Variants in CTNND2 observed in about 807,000 individuals in gnomAD.
CTNND2 encodes the protein catenin delta 2.
CTNND2 carries 22 observed loss-of-function variants against 144.4 expected under a neutral mutation model. The observed-to-expected ratio is 0.15, with a 90% CI of 0.11 to 0.22. The LOEUF (loss-of-function observed/expected upper bound fraction) is 0.22. CTNND2 is among the 10% of genes least tolerant of loss of function. CTNND2 has a pLI of 1.00. For missense variants in CTNND2, 1,353 were observed against 1,618.8 expected, an observed-to-expected ratio of 0.84 and a Z score of 2.82; for synonymous variants, 751 against 695.6, an observed-to-expected ratio of 1.08 and a Z score of -1.25.
intron 12 of CTNND2, among the ~76,000 whole-genome samples, chr5:11,117,775 C>T (rs1164600604): frequency 6.6e-6 from 1 of 152,176 alleles, no homozygotes; most frequent in Non-Finnish European, 1.5e-5. Flanking sequence ...TGTAATGCAA[C>T]TCCTGGAATA....
At chr5:11,302,538 G>A (rs187361415) in intron 9 of CTNND2, among the ~76,000 whole-genome samples, 10 of 152,296 alleles carry the variant, frequency 6.6e-5, no homozygotes, top group East Asian at 3.9e-4. Flanking sequence ...GGTAAATGCC[G>A]CATGTGGGAT....
chr5:11,866,822 T>C (rs1582031632), intron 1 of CTNND2, among the ~76,000 whole-genome samples: 2 of 152,204 alleles, frequency 1.3e-5, no homozygotes, highest in East Asian at 3.9e-4. Context: ...ATTCTTCGCG[T>C]GATCAATAAT....
chr5:11,359,491 G>T (rs945496707), intron 8 of CTNND2, among the ~76,000 whole-genome samples: 1 of 152,098 alleles, frequency 6.6e-6, no homozygotes. Context: ...GGTACTCTCC[G>T]GGAGCTCTGT....
intron 3 of CTNND2, among the ~76,000 whole-genome samples, chr5:11,488,106 A>G (rs1294561523): frequency 2.6e-5 from 4 of 152,228 alleles, no homozygotes; most frequent in East Asian, 1.9e-4. Flanking sequence ...CCTACTGCCT[A>G]TGATCTAAAC....
intron 5 of CTNND2, among the ~76,000 whole-genome samples, chr5:11,404,602 CTTT>C (rs555388304): frequency 3.5e-5 from 2 of 57,366 alleles, no homozygotes; most frequent in Non-Finnish European, 7.9e-5. Flanking sequence ...TATCTGTATT[CTTT>C]TTTTTTTTTT....
chr5:11,349,026 G>T, intron 8 of CTNND2, among the ~76,000 whole-genome samples: 1 of 152,126 alleles, frequency 6.6e-6, no homozygotes, highest in East Asian at 1.9e-4. Context: ...TGGAGAACTG[G>T]TTCCTGTCCT....
chr5:11,436,873 T>C (rs1763822145), intron 3 of CTNND2, among the ~76,000 whole-genome samples: 1 of 152,232 alleles, frequency 6.6e-6, no homozygotes, highest in Non-Finnish European at 1.5e-5. Context: ...TTTGGTATTT[T>C]ATTAGTTAAT....
intron 12 of CTNND2, 119 bp from the exon 13 acceptor site, chr5:11,117,686 G>T: frequency 1.3e-6 from 1 of 754,148 alleles, no homozygotes; most frequent in East Asian, 2.7e-5. Flanking sequence ...TTTTCAGAAT[G>T]CTTATCAAGA....
intron 2 of CTNND2, among the ~76,000 whole-genome samples, chr5:11,673,351 T>C (rs1456866146): frequency 6.6e-6 from 1 of 152,218 alleles, no homozygotes; most frequent in Non-Finnish European, 1.5e-5. Context: ...GATATAGCTA[T>C]TATTACGCAG....
At chr5:11,629,827 A>G (rs1781329984) in intron 2 of CTNND2, among the ~76,000 whole-genome samples, 1 of 152,040 alleles carries the variant, frequency 6.6e-6, no homozygotes. Context: ...GAACCACCAC[A>G]TCTGGCCTCA....
rs1735961226 is a variant in CTNND2, at chr5:10,972,698, C to G, written c.*755G>C. 1 of 152,320 alleles carries G rather than the reference C, an allele frequency of 6.6e-6. No homozygotes were observed. Among genetic ancestry groups the G allele is most frequent in the Non-Finnish European group, 1.5e-5 (1 of 68,008 alleles). The allele number at this position is 152,320 out of a possible 1,614,324, so 9.4% of individuals were successfully genotyped here. ...GATGTATGTTAATTGTCAGAAACTG[C>G]TGAATGCCTTGTTTAGTTGTCACAA... On this transcript the variant is annotated 3_prime_UTR_variant, in exon 22 of 22. Coordinates refer to ENST00000304623, the MANE Select transcript of CTNND2 (RefSeq NM_001332.4).
At chr5:11,174,567 A>C (rs183919931) in intron 11 of CTNND2, among the ~76,000 whole-genome samples, 2 of 152,016 alleles carry the variant, frequency 1.3e-5, no homozygotes, top group Non-Finnish European at 2.9e-5. Context: ...TTTATTGTGC[A>C]TATTTGTAAA....
At chr5:11,689,697 G>C (rs1181182729) in intron 2 of CTNND2, among the ~76,000 whole-genome samples, 1 of 151,886 alleles carries the variant, frequency 6.6e-6, no homozygotes, top group Non-Finnish European at 1.5e-5. Flanking sequence ...TTTTATTATG[G>C]TGATATTTTG....
intron 6 of CTNND2, among the ~76,000 whole-genome samples, chr5:11,388,855 T>C (rs1289537592): frequency 6.6e-6 from 1 of 152,242 alleles, no homozygotes; most frequent in Non-Finnish European, 1.5e-5. Flanking sequence ...AGTTCAATTC[T>C]ACCTTAAAAG....
Position 11,753,731 on chromosome 5 carries a change from G to C in CTNND2, c.38-21459C>G, listed in dbSNP as rs150374372. On this transcript the variant is annotated intron_variant, in intron 1 of 21. Transcript: ENST00000304623. The stretch of plus-strand genomic sequence containing the variant: ...CTGTCCTCCTCAATTTTTTGGAATA[G>C]TTTCAGTAGGATTGGTACCAGCTCT... Among the ~76,000 whole-genome samples, 934 of 151,946 alleles carry C rather than the reference G, an allele frequency of 6.1e-3. 6 individuals are homozygous for C. The highest frequency in any genetic ancestry group is 0.01 in the Non-Finnish European group (696 of 67,866).
intron 12 of CTNND2, among the ~76,000 whole-genome samples, chr5:11,127,029 G>A (rs1023942260): frequency 2.2e-4 from 34 of 152,240 alleles, no homozygotes; most frequent in African/African-American, 5.3e-4. Flanking sequence ...TACCATCCAC[G>A]CACATCCGTG....
At chr5:11,682,003 G>T (rs1416667696) in intron 2 of CTNND2, among the ~76,000 whole-genome samples, 2 of 150,962 alleles carry the variant, frequency 1.3e-5, no homozygotes, top group Non-Finnish European at 3.0e-5. Flanking sequence ...ATGACACACA[G>T]CATGCTGGCC....
chr5:11,478,158 A>G (rs566216057), intron 3 of CTNND2, among the ~76,000 whole-genome samples: 1 of 152,302 alleles, frequency 6.6e-6, no homozygotes, highest in East Asian at 1.9e-4. Context: ...GGATATAAGT[A>G]TGTGTGTGTG....
intron 12 of CTNND2, among the ~76,000 whole-genome samples, chr5:11,128,948 A>T (rs35716371): frequency 0.24 from 11,201 of 46,130 alleles, 2,523 homozygotes; most frequent in East Asian, 0.66. Flanking sequence ...TATTATATAT[A>T]ATATATAAAT....
Sources: allele counts gnomAD v4.1 joint callset (sites outside exome capture counted in the v4.1 genomes callset), GRCh38; gene constraint gnomAD v4.1.1; transcripts MANE v1.5; gene names NCBI Gene and HGNC (gene_info 2026-07-23, HGNC 2026-07-21).